IDS: variants seen among roughly 807,000 people sequenced by gnomAD.
IDS encodes alpha-L-iduronate sulfate sulfatase.
In IDS, 1 loss-of-function variant was observed where a neutral mutation model predicts 33.5. That is an observed-to-expected ratio of 0.03 (90% CI 0.01 to 0.14). The LOEUF is 0.14. IDS is among the 10% of genes least tolerant of loss of function. The pLI, the probability that IDS is intolerant of heterozygous loss-of-function variation, is 1.00. For missense variants in IDS, 328 were observed against 448.0 expected, an observed-to-expected ratio of 0.73 and a Z score of 2.42; for synonymous variants, 191 against 184.4, an observed-to-expected ratio of 1.04 and a Z score of -0.29.
Position 149,482,645 on chromosome X carries a change from G to A in IDS, c.*101C>T, listed in dbSNP as rs993495179. ...GTTTGGATTAACTAGCCCTCAGGCT[G>A]CTTCCAATATTATGGGTAATCACAA... On this transcript the variant is annotated 3_prime_UTR_variant, in exon 9 of 9. Transcript: ENST00000340855. 4.3e-6 allele frequency: 5 copies of A among 1,162,984 alleles called. No individual in the cohort carries two copies. The highest frequency in any genetic ancestry group is 2.4e-5 in the Admixed American group (1 of 41,710).
rs6641189 is a variant in IDS at position 149,492,029 on chromosome X, G to A, written c.880-1589C>T. 6.0e-3 allele frequency among the ~76,000 whole-genome samples: 677 copies of A among 112,316 alleles called. 4 individuals are homozygous for A. Among genetic ancestry groups the A allele is most frequent in the African/African-American group, 0.021 (653 of 30,923 alleles). The stretch of plus-strand genomic sequence containing the variant: ...GCCAAAAACCTAGAGCCAACCTGCA[G>A]GTAATTAACATTTATTGTTCCCCTT... On this transcript the variant is annotated intron_variant, in intron 6 of 8. Coordinates refer to ENST00000340855, the MANE Select transcript of IDS (RefSeq NM_000202.8).
At position 149,487,031 on chromosome X, in the gene IDS, G is replaced by C. The variant is rs61736891; in HGVS notation, c.1074C>G (p.Pro358=). ...YSNFDVATHV[P]LIFYVPGRTA... The stretch of plus-strand genomic sequence containing the variant: ...TCCTTCCAGGAACATAGAATATCAG[G>C]GGAACATGGGTAGCAACATCAAAAT... The change falls in exon 8 of 9, where the codon CCC becomes CCG. Residue 358 remains proline (P), a synonymous_variant. Coordinates refer to ENST00000340855, the MANE Select transcript of IDS (RefSeq NM_000202.8). The C allele has an allele frequency of 5.8e-4, 701 of 1,209,739 alleles. No homozygotes were observed. Among genetic ancestry groups the C allele is most frequent in the South Asian group, 5.8e-4 (33 of 56,806 alleles).
rs1018551778 is a variant in IDS, at chrX:149,498,007, C to T, written c.708+100G>A. The T allele has an allele frequency of 3.9e-5, 28 of 725,095 alleles. No homozygotes were observed. In the East Asian group the frequency reaches 5.4e-4, roughly 14 times the overall value. The allele number at this position is 725,095 out of a possible 1,213,427, so 59.8% of individuals were successfully genotyped here. Reference sequence around the variant, plus strand: ...CCCATCAGGCAACCATGGTGCCTGGCGATGGCAGGATGTAGCCACCTTCCC... The same window carrying T: ...CCCATCAGGCAACCATGGTGCCTGGTGATGGCAGGATGTAGCCACCTTCCC... On this transcript the variant is annotated intron_variant, in intron 5 of 8. Transcript: ENST00000340855.
chrX:149,496,200 C>T, intron 6 of IDS, 146 bp downstream of exon 6: 3 of 565,248 alleles, frequency 5.3e-6, no homozygotes, highest in South Asian at 2.5e-5. Flanking sequence ...AGGACACCTC[C>T]ACCCCAGCAC....
chrX:149,495,271 A>C (rs1029975999), intron 6 of IDS, among the ~76,000 whole-genome samples: 14 of 112,146 alleles, frequency 1.2e-4, no homozygotes, highest in Non-Finnish European at 2.6e-4. Context: ...CCAAACTCTC[A>C]GTGAAACAGG....
At chrX:149,484,880 A>G (rs1487248733) in intron 8 of IDS, among the ~76,000 whole-genome samples, 1 of 112,262 alleles carries the variant, frequency 8.9e-6, no homozygotes, top group Admixed American at 9.4e-5. Context: ...TGAAAAAGGT[A>G]CCTTTACAAT....
rs972262050 is a variant in IDS, at chrX:149,481,450, T to C, written c.*1296A>G. 1.4e-4 allele frequency: 16 copies of C among 112,810 alleles called. No individual in the cohort carries two copies. Among genetic ancestry groups the C allele is most frequent in the Admixed American group, 1.4e-3 (15 of 10,670 alleles). The allele number at this position is 112,810 out of a possible 1,213,427, so 9.3% of individuals were successfully genotyped here. ...AAGTAACAATGTAGTTTGCTGTATTTTGTTTCACAAATATTTACCTGGAAA... is the reference window on the plus strand; with the variant it reads ...AAGTAACAATGTAGTTTGCTGTATTCTGTTTCACAAATATTTACCTGGAAA... On this transcript the variant is annotated 3_prime_UTR_variant, in exon 9 of 9. Transcript: ENST00000340855.
rs782048530 is a variant in IDS at position 149,486,734 on chromosome X, T to C, written c.1180+191A>G. On this transcript the variant is annotated intron_variant, in intron 8 of 8. Transcript: ENST00000340855. Reference sequence around the variant, plus strand: ...CTTGTCAATTCTGGTTCTGTCACTCTTTCCCCACCCAGAGTATGGGAGATG... The same window carrying C: ...CTTGTCAATTCTGGTTCTGTCACTCCTTCCCCACCCAGAGTATGGGAGATG... Among the ~76,000 whole-genome samples the C allele has an allele frequency of 5.4e-5, 6 of 111,501 alleles. No individual in the cohort carries two copies. In the Admixed American group the frequency reaches 5.7e-4, roughly 11 times the overall value.
At chrX:149,497,657 T>C (rs1302578940) in intron 5 of IDS, among the ~76,000 whole-genome samples, 5 of 112,151 alleles carry the variant, frequency 4.5e-5, no homozygotes, top group Non-Finnish European at 9.4e-5. Flanking sequence ...GGATTTGAGG[T>C]TCCAAGAAGC....
chrX:149,503,290 G>A (rs1945196063), intron 3 of IDS, 22 bp downstream of exon 3: 1 of 1,208,661 alleles, frequency 8.3e-7, no homozygotes, highest in African/African-American at 1.7e-5. Flanking sequence ...AGAGAACCCA[G>A]ACTCTGGACA....
intron 4 of IDS, among the ~76,000 whole-genome samples, chrX:149,499,030 C>A (rs782284212): frequency 8.9e-6 from 1 of 112,158 alleles, no homozygotes; most frequent in Admixed American, 9.4e-5. Context: ...AACTGATAAA[C>A]AAAATGTGGT....
At chrX:149,497,894 C>T (rs1038588585) in intron 5 of IDS, among the ~76,000 whole-genome samples, 4 of 112,490 alleles carry the variant, frequency 3.6e-5, no homozygotes, top group Non-Finnish European at 7.5e-5. Flanking sequence ...TGGAGTGAAG[C>T]GGAAAGCCAA....
In IDS at chrX:149,477,292, C is replaced by G. The variant is rs2089271836; in HGVS notation, c.*5454G>C. 8.9e-6 allele frequency: 1 copy of G among 112,564 alleles called. No homozygotes were observed. The highest frequency in any genetic ancestry group is 1.9e-5 in the Non-Finnish European group (1 of 53,334). 9.3% of individuals were successfully genotyped at this position (112,564 alleles called of 1,213,427 possible). A position where few individuals can be genotyped will look rare whatever the true frequency, so the allele number is the denominator to read the frequency against. On this transcript the variant is annotated 3_prime_UTR_variant, in exon 9 of 9. Transcript: ENST00000340855. ...GTTAACCCCTGGCCTTTGCTCCTCT[C>G]CTTGTCCACGTCCCAACTCTTGTTT...
At chrX:149,502,081 C>A (rs1395526174) in intron 3 of IDS, 1 of 327,932 alleles carries the variant, frequency 3.0e-6, no homozygotes, top group Non-Finnish European at 5.9e-6. Context: ...ATACCTGGCA[C>A]ACAGTGGTGG....
At chrX:149,498,719 G>C (rs1218647870) in intron 4 of IDS, among the ~76,000 whole-genome samples, 2 of 112,465 alleles carry the variant, frequency 1.8e-5, no homozygotes, top group African/African-American at 6.5e-5. Context: ...AGTCATTAGG[G>C]AAATGCAAAT....
At chrX:149,499,860 T>G (rs1408362258) in intron 4 of IDS, among the ~76,000 whole-genome samples, 1 of 111,645 alleles carries the variant, frequency 9.0e-6, no homozygotes, top group Non-Finnish European at 1.9e-5. Flanking sequence ...AGGCACAGAA[T>G]GAAACCTCCT....
At chrX:149,497,854 A>T (rs1174635884) in intron 5 of IDS, among the ~76,000 whole-genome samples, 1 of 112,447 alleles carries the variant, frequency 8.9e-6, no homozygotes, top group Non-Finnish European at 1.9e-5. Context: ...CTGCTCAATA[A>T]GTTCAAGGAA....
Position 149,482,763 on chromosome X carries a change from G to A in IDS, c.1636C>T (p.Gln546Ter), listed in dbSNP as rs2089302830. The change falls in exon 9 of 9, where the codon CAG becomes TAG. Residue 546 changes from glutamine to a stop codon, truncating the protein, a stop_gained. Coordinates refer to ENST00000340855, the MANE Select transcript of IDS (RefSeq NM_000202.8). LOFTEE classifies it high-confidence loss of function. ...YNDSQGGDLF[Q>*]LLMP ...GGCAAAACTCAAGGCATCAACAACTGGAAAAGATCTCCACCTTGGGAATCA... is the reference window on the plus strand; with the variant it reads ...GGCAAAACTCAAGGCATCAACAACTAGAAAAGATCTCCACCTTGGGAATCA... The A allele has an allele frequency of 8.3e-7, 1 of 1,211,006 alleles. No individual in the cohort carries two copies.
chrX:149,480,007 G>A lies in IDS; in HGVS notation c.*2739C>T, dbSNP rs985341374. 8 of 277,021 alleles carry A rather than the reference G, an allele frequency of 2.9e-5. No individual in the cohort carries two copies. Among genetic ancestry groups the A allele is most frequent in the Non-Finnish European group, 4.4e-5 (7 of 158,147 alleles). The allele number at this position is 277,021 out of a possible 1,213,427, so 22.8% of individuals were successfully genotyped here. ...GGGGGGGAGCTTGGTAGTGAAAAATGGTCATGAATGAATGGGTGAAGAGAG... is the reference window on the plus strand; with the variant it reads ...GGGGGGGAGCTTGGTAGTGAAAAATAGTCATGAATGAATGGGTGAAGAGAG... On this transcript the variant is annotated 3_prime_UTR_variant, in exon 9 of 9. Transcript: ENST00000340855.
Sources: gnomAD v4.1 joint callset for allele counts (sites outside exome capture counted in the v4.1 genomes callset) on GRCh38, gnomAD v4.1.1 for gene constraint, MANE v1.5 for transcripts, NCBI Gene and HGNC (gene_info 2026-07-23, HGNC 2026-07-21) for gene names.